Variants in GPM6A observed in about 807,000 individuals in gnomAD.
GPM6A encodes glycoprotein M6A.
Under a neutral mutation model 32.1 loss-of-function variants are expected in GPM6A, and 7 were observed. The observed-to-expected ratio is 0.22, with a 90% CI of 0.12 to 0.41. GPM6A has a LOEUF of 0.41. Among genes scored for constraint, GPM6A ranks in the 10% least tolerant of loss-of-function variants. GPM6A has a pLI of 1.00. For missense variants in GPM6A, 235 were observed against 347.2 expected (o/e 0.68, Z 2.57); for synonymous variants, 130 against 123.4 (o/e 1.05, Z -0.35).
At chr4:175,785,874 A>G (rs935439727) in intron 1 of GPM6A, among the ~76,000 whole-genome samples, 3 of 152,184 alleles carry the variant, frequency 2.0e-5, no homozygotes, top group Non-Finnish European at 4.4e-5. Context: ...GGCGGATTCA[A>G]TGAGGAACAA....
upstream of GPM6A, chr4:175,813,055 C>T: frequency 1.0e-6 from 1 of 984,388 alleles, no homozygotes; most frequent in South Asian, 4.7e-5. Flanking sequence ...AATTATTTTA[C>T]TTAGTGCCAT....
At chr4:175,977,523 T>C (rs774939672) in intron 1 of GPM6A, among the ~76,000 whole-genome samples, 2 of 152,238 alleles carry the variant, frequency 1.3e-5, no homozygotes, top group Non-Finnish European at 2.9e-5. Context: ...GGAAACATAC[T>C]ATATTCTTCC....
intron 1 of GPM6A, among the ~76,000 whole-genome samples, chr4:175,783,821 C>T (rs1173635375): frequency 6.6e-6 from 1 of 151,852 alleles, no homozygotes; most frequent in African/African-American, 2.4e-5. Context: ...AAAATAAAGA[C>T]TCAAATTCAT....
In GPM6A at chr4:175,634,992, C is replaced by T; in HGVS notation, c.750G>A (p.Lys250=). Residue 250 remains lysine (K), a synonymous_variant, in exon 7 of 7, where the codon AAG becomes AAA. Coordinates refer to ENST00000393658, the MANE Select transcript of GPM6A (RefSeq NM_201591.3). ...CTTCCTTCGACTTGATGTCTTCATA[C>T]TTCTGCATCCGGCAGGCGTCTTTCA... ...AYVKDACRMQ[K]YEDIKSKEEQ... 1 of 1,613,756 alleles carries T rather than the reference C, an allele frequency of 6.2e-7. No homozygotes were observed. The highest frequency in any genetic ancestry group is 8.5e-7 in the Non-Finnish European group (1 of 1,179,712).
intron 2 of GPM6A, among the ~76,000 whole-genome samples, chr4:175,698,126 G>C (rs1251329669): frequency 1.3e-5 from 2 of 152,066 alleles, no homozygotes; most frequent in Non-Finnish European, 2.9e-5. Context: ...TGGTCCCTGA[G>C]ATAAAGAAGT....
intron 1 of GPM6A, among the ~76,000 whole-genome samples, chr4:175,962,668 G>T (rs910806471): frequency 2.6e-5 from 4 of 152,004 alleles, no homozygotes; most frequent in Admixed American, 2.6e-4. Flanking sequence ...TACAGCAAAG[G>T]AAACTAGTAA....
At chr4:175,941,143 T>A (rs1324060354) in intron 1 of GPM6A, among the ~76,000 whole-genome samples, 1 of 152,190 alleles carries the variant, frequency 6.6e-6, no homozygotes, top group Non-Finnish European at 1.5e-5. Flanking sequence ...TTATCCATAG[T>A]TTGGAAAATG....
At chr4:175,910,321 T>C (rs144209024) in intron 1 of GPM6A, among the ~76,000 whole-genome samples, 98 of 152,286 alleles carry the variant, frequency 6.4e-4, no homozygotes, top group African/African-American at 2.3e-3. Context: ...CTTTTAATAA[T>C]AAAAATGATG....
At chr4:175,927,674 C>T (rs1039728942) in intron 1 of GPM6A, among the ~76,000 whole-genome samples, 1 of 152,208 alleles carries the variant, frequency 6.6e-6, no homozygotes, top group African/African-American at 2.4e-5. Context: ...CACTTGAGGT[C>T]AGGCGCTCGA....
chr4:175,711,799 G>A (rs185622489), intron 1 of GPM6A, among the ~76,000 whole-genome samples: 17 of 151,850 alleles, frequency 1.1e-4, no homozygotes, highest in Non-Finnish European at 2.4e-4. Flanking sequence ...CCTGTTAGCA[G>A]GACTCCATCT....
chr4:175,858,703 C>T (rs553573938), intron 1 of GPM6A, among the ~76,000 whole-genome samples: 3 of 152,186 alleles, frequency 2.0e-5, no homozygotes, highest in South Asian at 2.1e-4. Context: ...ACCATATGAT[C>T]GATCCACTCC....
intron 4 of GPM6A, among the ~76,000 whole-genome samples, chr4:175,648,120 T>TAAA (rs71595483): frequency 1.3e-5 from 2 of 150,774 alleles, no homozygotes; most frequent in Admixed American, 6.6e-5. Flanking sequence ...TTTCTTTTTT[T>TAAA]AAAAAAAAAA....
chr4:175,643,781 G>A (rs2110894009), intron 4 of GPM6A, among the ~76,000 whole-genome samples: 1 of 152,266 alleles, frequency 6.6e-6, no homozygotes, highest in African/African-American at 2.4e-5. Context: ...TCTGAACTCA[G>A]GAGTTGCAGA....
intron 1 of GPM6A, among the ~76,000 whole-genome samples, chr4:175,770,195 T>C (rs989993490): frequency 1.3e-5 from 2 of 152,190 alleles, no homozygotes; most frequent in Admixed American, 1.3e-4. Context: ...CCCAGCTAGT[T>C]TTTTGTACTT....
chr4:175,681,969 G>T lies in GPM6A; in HGVS notation c.231-8133C>A, dbSNP rs550448656. 2.0e-4 allele frequency among the ~76,000 whole-genome samples: 30 copies of T among 152,224 alleles called. No individual in the cohort carries two copies. The South Asian group carries it at 2.5e-3, about 13-fold the overall frequency. On this transcript the variant is annotated intron_variant, in intron 2 of 6. Coordinates refer to ENST00000393658, the MANE Select transcript of GPM6A (RefSeq NM_201591.3). ...GGCAGAGGTTGAGAGAGTTTGGAGC[G>T]CTCAGAAGAAAACAGGAATATGAGG...
At chr4:175,681,239 T>A (rs914093473) in intron 2 of GPM6A, among the ~76,000 whole-genome samples, 1 of 152,230 alleles carries the variant, frequency 6.6e-6, no homozygotes, top group Non-Finnish European at 1.5e-5. Context: ...TGTCTGTTTC[T>A]CCCCATCCTC....
At chr4:175,748,597 T>C (rs1732197160) in intron 1 of GPM6A, among the ~76,000 whole-genome samples, 1 of 152,178 alleles carries the variant, frequency 6.6e-6, no homozygotes, top group Non-Finnish European at 1.5e-5. Flanking sequence ...CTGTCACCTT[T>C]GTTATTCTGT....
chr4:175,795,765 T>A (rs1346815402), intron 1 of GPM6A: 1 of 152,100 alleles, frequency 6.6e-6, no homozygotes, highest in African/African-American at 2.4e-5. Context: ...AAATGAAATA[T>A]GATAAAATAA....
intron 1 of GPM6A, among the ~76,000 whole-genome samples, chr4:175,862,820 C>G (rs1044503119): frequency 6.6e-6 from 1 of 151,796 alleles, no homozygotes; most frequent in Non-Finnish European, 1.5e-5. Flanking sequence ...GCAAATTTTG[C>G]ATTTAAAAAA....
Sources: gnomAD v4.1 joint callset for allele counts (sites outside exome capture counted in the v4.1 genomes callset) on GRCh38, gnomAD v4.1.1 for gene constraint, MANE v1.5 for transcripts, NCBI Gene and HGNC (gene_info 2026-07-23, HGNC 2026-07-21) for gene names.